Variants in PCDH10 observed in about 807,000 individuals in gnomAD.
PCDH10 encodes the protein protocadherin 10.
A neutral mutation model predicts 74.4 loss-of-function variants in PCDH10; 15 were observed. That is an observed-to-expected ratio of 0.20 (90% CI 0.13 to 0.31). The LOEUF (loss-of-function observed/expected upper bound fraction) is 0.31, where lower values mean the gene tolerates loss of function less well. PCDH10 is among the 10% of genes least tolerant of loss of function. The pLI, the probability that PCDH10 is intolerant of heterozygous loss-of-function variation, is 1.00. For missense variants in PCDH10, 1,260 were observed against 1,390.2 expected (o/e 0.91, Z 1.49); for synonymous variants, 619 against 589.8 (o/e 1.05, Z -0.72).
chr4:133,179,798 A>G (rs750894275), intron 4 of PCDH10, among the ~76,000 whole-genome samples: 1 of 152,120 alleles, frequency 6.6e-6, no homozygotes, highest in Non-Finnish European at 1.5e-5. Flanking sequence ...TGTGTCTGGA[A>G]CAAAGTAGAC....
chr4:133,175,400 GTT>G (rs1727277760), intron 4 of PCDH10, among the ~76,000 whole-genome samples: 1 of 152,032 alleles, frequency 6.6e-6, no homozygotes, highest in East Asian at 1.9e-4. Context: ...GGGCACAACT[GTT>G]TTCCAAGCAC....
intron 2 of PCDH10, among the ~76,000 whole-genome samples, chr4:133,206,368 T>C (rs940882014): frequency 6.6e-6 from 1 of 152,186 alleles, no homozygotes; most frequent in Non-Finnish European, 1.5e-5. Context: ...CCGGAGGGAA[T>C]AGTTGATCAC....
chr4:133,175,982 C>G (rs1727287479), intron 4 of PCDH10, among the ~76,000 whole-genome samples: 1 of 152,100 alleles, frequency 6.6e-6, no homozygotes, highest in Non-Finnish European at 1.5e-5. Flanking sequence ...ACGTGCTCAC[C>G]TGGTTGGATG....
chr4:133,159,754 A>C (rs1726928895), intron 3 of PCDH10, among the ~76,000 whole-genome samples: 1 of 151,978 alleles, frequency 6.6e-6, no homozygotes, highest in African/African-American at 2.4e-5. Context: ...AAGGCATTTG[A>C]ATGAGAAAAA....
rs776824555 is a variant in PCDH10 at position 133,151,944 on chromosome 4, C to T, written c.1804C>T (p.Arg602Cys). 1.9e-6 allele frequency: 3 copies of T among 1,612,220 alleles called. No homozygotes were observed. The highest frequency in any genetic ancestry group is 3.3e-5 in the Admixed American group (2 of 59,952). ...RSAEPGYLLTRVAAVDADDGE... is the reference protein window; with the variant it reads ...RSAEPGYLLTCVAAVDADDGE... ...GGCGGAGCCGGGTTACCTGCTCACCCGCGTGGCCGCCGTGGACGCGGACGA... is the reference window on the plus strand; with the variant it reads ...GGCGGAGCCGGGTTACCTGCTCACCTGCGTGGCCGCCGTGGACGCGGACGA... Residue 602 changes from arginine to cysteine, a missense_variant, in exon 1 of 5, where the codon CGC becomes TGC. Physicochemically the swap from Arg to Cys is radical, Grantham distance 180. This residue lies in a region of PCDH10 where 587 missense variants were observed against 616.9 expected (regional missense o/e 0.95). Transcript: ENST00000264360.
chr4:133,153,014 A>T (rs1726775458), intron 1 of PCDH10: 1 of 1,432,690 alleles, frequency 7.0e-7, no homozygotes, highest in African/African-American at 1.4e-5. Context: ...GCCACCTTGG[A>T]GCTCCCTCCT....
intron 4 of PCDH10, among the ~76,000 whole-genome samples, chr4:133,189,830 A>T (rs1727621224): frequency 6.6e-6 from 1 of 152,088 alleles, no homozygotes; most frequent in Admixed American, 6.6e-5. Flanking sequence ...CTGTGCATAA[A>T]TAGTGAAGTG....
intron 4 of PCDH10, among the ~76,000 whole-genome samples, chr4:133,178,229 T>C (rs1560712446): frequency 6.6e-6 from 1 of 151,976 alleles, no homozygotes; most frequent in East Asian, 1.9e-4. Context: ...TTTTTTTGTT[T>C]TGTTTTTTGT....
intron 2 of PCDH10, among the ~76,000 whole-genome samples, chr4:133,203,895 A>G (rs1727952737): frequency 1.3e-5 from 2 of 152,078 alleles, no homozygotes; most frequent in African/African-American, 4.8e-5. Flanking sequence ...GGTCATTTTG[A>G]CTGTGAGGCA....
intron 4 of PCDH10, among the ~76,000 whole-genome samples, chr4:133,184,500 G>A (rs926148144): frequency 4.6e-4 from 70 of 151,622 alleles, no homozygotes; most frequent in African/African-American, 1.6e-3. Flanking sequence ...GTGCGCAACT[G>A]TAATCCCAGC....
chr4:133,199,829 G>T (rs1345546272), intron 2 of PCDH10, among the ~76,000 whole-genome samples: 1 of 148,868 alleles, frequency 6.7e-6, no homozygotes, highest in African/African-American at 2.4e-5. Flanking sequence ...ACGGAGTCTT[G>T]CTATGTCACC....
At chr4:133,204,694 G>A (rs1044988038) in intron 2 of PCDH10, among the ~76,000 whole-genome samples, 2 of 152,132 alleles carry the variant, frequency 1.3e-5, no homozygotes, top group African/African-American at 4.8e-5. Context: ...AAGTTGACCA[G>A]GTGTCCTTGG....
rs542241744 is a variant in PCDH10 at position 133,151,556 on chromosome 4, G to A, written c.1416G>A (p.Val472=). 13 of 1,614,092 alleles carry A rather than the reference G, an allele frequency of 8.1e-6. No individual in the cohort carries two copies. The African/African-American group carries it at 1.7e-4, about 22-fold the overall frequency. The change falls in exon 1 of 5, where the codon GTG becomes GTA. Residue 472 remains valine, a synonymous_variant. Coordinates refer to ENST00000264360, the MANE Select transcript of PCDH10 (RefSeq NM_032961.3). ...GCCAGCCGGTCTACGACGTGTATGT[G>A]ACTGAAAACAACGTGCCTGGCGCCT... ...RFSQPVYDVY[V]TENNVPGAYI...
chr4:133,203,079 A>G (rs1209434993), intron 2 of PCDH10, among the ~76,000 whole-genome samples: 1 of 152,130 alleles, frequency 6.6e-6, no homozygotes, highest in Non-Finnish European at 1.5e-5. Context: ...GGTATGGAGG[A>G]TCAGAAGCTC....
At chr4:133,155,580 G>C (rs1726849628) in intron 3 of PCDH10, among the ~76,000 whole-genome samples, 1 of 152,162 alleles carries the variant, frequency 6.6e-6, no homozygotes, top group South Asian at 2.1e-4. Flanking sequence ...TTGAGTCTTA[G>C]GCTTCAGAAC....
At chr4:133,153,336 A>C in intron 1 of PCDH10, 1 of 871,198 alleles carries the variant, frequency 1.1e-6, no homozygotes, top group Non-Finnish European at 1.4e-6. Context: ...AAAAGCCTTC[A>C]GTTCGGCTCT....
rs777222057 is a variant in PCDH10 at position 133,151,190 on chromosome 4, T to C, written c.1050T>C (p.Asp350=). The C allele has an allele frequency of 1.9e-6, 3 of 1,614,070 alleles. No individual in the cohort carries two copies. The East Asian group carries it at 6.7e-5, about 36-fold the overall frequency. The change falls in exon 1 of 5, where the codon GAT becomes GAC. Residue 350 remains aspartate, a synonymous_variant. Transcript: ENST00000264360. ...AHCKVLVRVL[D]ANDNAPEISF... The stretch of plus-strand genomic sequence containing the variant: ...GCAAGGTGCTAGTGCGAGTACTGGA[T>C]GCTAATGACAACGCGCCAGAGATCA...
At chr4:133,154,213 T>A in intron 1 of PCDH10, 94 bp from the exon 2 acceptor site, 1 of 737,590 alleles carries the variant, frequency 1.4e-6, no homozygotes, top group Admixed American at 2.9e-5. Flanking sequence ...TGTATACAAT[T>A]ACTTAAGCTA....
downstream of PCDH10, among the ~76,000 whole-genome samples, chr4:133,197,024 C>A (rs1464902708): frequency 2.0e-5 from 3 of 152,128 alleles, no homozygotes; most frequent in Non-Finnish European, 2.9e-5. Context: ...AGTAGACTTG[C>A]CATTGGTATC....
Sources: gnomAD v4.1 joint callset for allele counts (sites outside exome capture counted in the v4.1 genomes callset) on GRCh38, gnomAD v4.1.1 for gene constraint, gnomAD v4.1.1 regional missense constraint, MANE v1.5 for transcripts, NCBI Gene and HGNC (gene_info 2026-07-23, HGNC 2026-07-21) for gene names.